Variants in N4BP2L2 observed in about 807,000 individuals in gnomAD.
The protein encoded by N4BP2L2 is NEDD4 binding protein 2 like 2, also known as NEDD4-binding protein 2-like 2.
In N4BP2L2, 50 loss-of-function variants were observed where a neutral mutation model predicts 56.2. The ratio of observed to expected loss-of-function variants is 0.89; its 90% confidence interval spans 0.71 to 1.13. The LOEUF is 1.13. Ranked by LOEUF, N4BP2L2 falls within the 50% of genes most tolerant of loss-of-function variation. N4BP2L2 has a pLI of 0.00. For synonymous variants in N4BP2L2, 203 were observed against 223.6 expected (o/e 0.91, Z 0.82); for missense variants, 689 against 693.8 (o/e 0.99, Z 0.08).
At chr13:32,526,455 A>T (rs1250263580) in intron 3 of N4BP2L2, among the ~76,000 whole-genome samples, 1 of 150,524 alleles carries the variant, frequency 6.6e-6, no homozygotes, top group African/African-American at 2.5e-5. Flanking sequence ...TGAAATGTAT[A>T]AAGTATGATG....
chr13:32,505,668 A>G (rs1212932546), downstream of N4BP2L2: 2 of 152,240 alleles, frequency 1.3e-5, no homozygotes, highest in Non-Finnish European at 2.9e-5. Flanking sequence ...GCTATTTGCC[A>G]CATTATAATA....
intron 6 of N4BP2L2, among the ~76,000 whole-genome samples, chr13:32,479,577 C>T (rs369270923): frequency 2.0e-5 from 3 of 150,958 alleles, no homozygotes; most frequent in East Asian, 3.9e-4. Flanking sequence ...CACTGCGCCC[C>T]GCCAGTAATT....
exon 7 of N4BP2L2, chr13:32,442,869 C>T: frequency 1.2e-6 from 2 of 1,613,438 alleles, no homozygotes; most frequent in South Asian, 2.2e-5. Context: ...GGTAAAACCA[C>T]AATGGATGAT....
rs776099681 is a variant in N4BP2L2 at position 32,501,015 on chromosome 13, T to C, written c.365+16842A>G. 2.0e-5 allele frequency among the ~76,000 whole-genome samples: 3 copies of C among 152,166 alleles called. No individual in the cohort carries two copies. The South Asian group carries it at 6.2e-4, about 32-fold the overall frequency. ...TCCCCAGTAGCTGGGATTACAGGCATGCATCACGACGCCCAGCTAATTTTG... is the reference window on the plus strand; with the variant it reads ...TCCCCAGTAGCTGGGATTACAGGCACGCATCACGACGCCCAGCTAATTTTG... On this transcript the variant is annotated intron_variant, in intron 6 of 9. Coordinates refer to the N4BP2L2 transcript ENST00000357505.
chr13:32,480,992 G>A (rs1168975525), intron 6 of N4BP2L2, among the ~76,000 whole-genome samples: 1 of 151,482 alleles, frequency 6.6e-6, no homozygotes, highest in East Asian at 1.9e-4. Flanking sequence ...GGTGGTGCAT[G>A]CCTTTAACCC....
chr13:32,504,115 C>T (rs1163366752), intron 6 of N4BP2L2, among the ~76,000 whole-genome samples: 1 of 152,098 alleles, frequency 6.6e-6, no homozygotes, highest in Admixed American at 6.6e-5. Flanking sequence ...TGAATTAGGA[C>T]CTAAAACTTA....
chr13:32,446,471 G>A (rs1379657321), intron 6 of N4BP2L2: 4 of 1,332,086 alleles, frequency 3.0e-6, no homozygotes, highest in South Asian at 2.4e-5. Flanking sequence ...TTACTCAAAT[G>A]TGAACCATCC....
chr13:32,518,480 A>T (rs1052562089), intron 5 of N4BP2L2, among the ~76,000 whole-genome samples: 16 of 152,190 alleles, frequency 1.1e-4, no homozygotes, highest in Admixed American at 1.0e-3. Flanking sequence ...TTACAAACAT[A>T]ATGTTGAGTG....
At chr13:32,537,118 T>C (rs2056745578) in intron 1 of N4BP2L2, 91 bp from the exon 2 acceptor site, 2 of 923,866 alleles carry the variant, frequency 2.2e-6, no homozygotes, top group African/African-American at 1.7e-5. Context: ...GACAAAGACA[T>C]TTAAATTTGT....
chr13:32,445,847 GA>G (rs2076978059), intron 6 of N4BP2L2, among the ~76,000 whole-genome samples: 2 of 152,224 alleles, frequency 1.3e-5, no homozygotes, highest in Admixed American at 1.3e-4. Context: ...TCCTAAGAGA[GA>G]AAGGAGGATT....
intron 6 of N4BP2L2, among the ~76,000 whole-genome samples, chr13:32,487,588 C>T (rs2086166926): frequency 1.3e-5 from 2 of 150,744 alleles, no homozygotes; most frequent in African/African-American, 4.9e-5. Flanking sequence ...AGGACAATCA[C>T]TTGAACCCGG....
At chr13:32,444,880 G>A (rs963069971) in intron 6 of N4BP2L2, among the ~76,000 whole-genome samples, 3 of 152,128 alleles carry the variant, frequency 2.0e-5, no homozygotes, top group African/African-American at 7.2e-5. Context: ...CTCCTAGGCT[G>A]AAAAATTGTA....
intron 5 of N4BP2L2, among the ~76,000 whole-genome samples, chr13:32,519,970 T>G (rs1474006732): frequency 1.3e-5 from 2 of 152,242 alleles, no homozygotes; most frequent in Non-Finnish European, 2.9e-5. Flanking sequence ...TTTAAGCTTC[T>G]GTCTCTTCCA....
chr13:32,508,817 AG>A (rs1203248953), downstream of N4BP2L2: 1 of 152,158 alleles, frequency 6.6e-6, no homozygotes, highest in Non-Finnish European at 1.5e-5. Context: ...CTTTGGGAAA[AG>A]GGTTCTAAAA....
At chr13:32,492,921 T>TG (rs1321333120) in intron 6 of N4BP2L2, among the ~76,000 whole-genome samples, 1 of 143,552 alleles carries the variant, frequency 7.0e-6, no homozygotes, top group African/African-American at 2.6e-5. Context: ...TTTCTGTTTT[T>TG]TTTTTTTTTT....
chr13:32,458,417 C>T (rs907103662), intron 6 of N4BP2L2, among the ~76,000 whole-genome samples: 1 of 152,162 alleles, frequency 6.6e-6, no homozygotes, highest in Middle Eastern at 3.2e-3. Flanking sequence ...AAACTCATTT[C>T]TCCTGTAGAA....
chr13:32,499,001 A>T (rs924748780), intron 6 of N4BP2L2, among the ~76,000 whole-genome samples: 3 of 151,680 alleles, frequency 2.0e-5, no homozygotes, highest in Non-Finnish European at 4.4e-5. Context: ...AAAAAAAAAA[A>T]AAAAAAAAAA....
At chr13:32,526,835 T>TTTTTTTTTTTTTTC (rs2053086784) in intron 3 of N4BP2L2, 1 of 142,922 alleles carries the variant, frequency 7.0e-6, no homozygotes, top group Non-Finnish European at 1.5e-5. Context: ...TTTTTTTTTT[T>TTTTTTTTTTTTTTC]TTTTTTTTTT....
intron 6 of N4BP2L2, among the ~76,000 whole-genome samples, chr13:32,501,987 C>A (rs2090095444): frequency 2.0e-5 from 3 of 151,772 alleles, no homozygotes; most frequent in African/African-American, 7.3e-5. Context: ...TCCATCTATG[C>A]CAATGAGGAA....
Sources: gnomAD v4.1 joint callset for allele counts (sites outside exome capture counted in the v4.1 genomes callset) on GRCh38, gnomAD v4.1.1 for gene constraint, MANE v1.5 for transcripts, NCBI Gene and HGNC (gene_info 2026-07-23, HGNC 2026-07-21) for gene names.